Variants in GPAM observed in about 807,000 individuals in gnomAD.
The protein encoded by GPAM is glycerol-3-phosphate acyltransferase, mitochondrial.
GPAM carries 56 observed loss-of-function variants against 105.0 expected under a neutral mutation model. The observed-to-expected ratio is 0.53, with a 90% CI of 0.43 to 0.67. GPAM has a LOEUF of 0.67. Among genes scored for constraint, GPAM ranks in the 30% least tolerant of loss-of-function variants. The probability of loss-of-function intolerance (pLI) is 0.00; values close to 1 mark genes in which losing one functional copy is unlikely to be tolerated. For missense variants in GPAM, 855 were observed against 989.8 expected (o/e 0.86, Z 1.83); for synonymous variants, 368 against 354.4 (o/e 1.04, Z -0.43).
At position 112,162,626 on chromosome 10, in the gene GPAM, T is replaced by G. The variant is rs1287083611; in HGVS notation, c.1424-889A>C. On this transcript the variant is annotated intron_variant, in intron 14 of 21. Transcript: ENST00000348367. ...CACTGGTAACTGAAGTCGTCTCCAGTGTTAAAAAAAAGTACTCAGTACTAT... is the reference window on the plus strand; with the variant it reads ...CACTGGTAACTGAAGTCGTCTCCAGGGTTAAAAAAAAGTACTCAGTACTAT... 1.8e-4 allele frequency among the ~76,000 whole-genome samples: 27 copies of G among 152,018 alleles called. 1 individual carries two copies. Among genetic ancestry groups the G allele is most frequent in the Admixed American group, 1.6e-3 (25 of 15,276 alleles).
At position 112,155,976 on chromosome 10, in the gene GPAM, G is replaced by A; in HGVS notation, c.2199C>T (p.Ser733=). ...RLLGPLLEAY[S]SAAIFVHNFS... ...AGTTGTGAACAAAGATGGCAGCAGA[G>A]CTGTAGGCCTCCAGCAAAGGCCCAA... Residue 733 remains serine (S), a synonymous_variant, in exon 20 of 22, where the codon AGC becomes AGT. Coordinates refer to ENST00000348367, the MANE Select transcript of GPAM (RefSeq NM_001244949.2). 2 of 1,610,990 alleles carry A rather than the reference G, an allele frequency of 1.2e-6. No individual in the cohort carries two copies. The highest frequency in any genetic ancestry group is 1.7e-6 in the Non-Finnish European group (2 of 1,177,196).
Position 112,163,744 on chromosome 10 carries a change from T to A in GPAM, c.1380A>T (p.Leu460=). 6.2e-7 allele frequency: 1 copy of A among 1,600,684 alleles called. No individual in the cohort carries two copies. The highest frequency in any genetic ancestry group is 8.6e-7 in the Non-Finnish European group (1 of 1,167,772). ...CCAGATTTGCAATCAACCTCCTTCG[T>A]AGGGATTCATCTGTTGCATTTCTGG... The part of the protein sequence containing the change: ...NESRNATDES[L]RRRLIANLAE... The change falls in exon 14 of 22, where the codon CTA becomes CTT. Residue 460 remains leucine, a synonymous_variant. Coordinates refer to ENST00000348367, the MANE Select transcript of GPAM (RefSeq NM_001244949.2).
intron 1 of GPAM, among the ~76,000 whole-genome samples, chr10:112,214,035 G>A (rs1215912013): frequency 6.6e-6 from 1 of 152,136 alleles, no homozygotes; most frequent in Non-Finnish European, 1.5e-5. Flanking sequence ...GATAATCTCA[G>A]GAAATCCCAC....
intron 9 of GPAM, among the ~76,000 whole-genome samples, chr10:112,171,830 C>A (rs914357250): frequency 8.5e-5 from 13 of 152,170 alleles, no homozygotes; most frequent in Non-Finnish European, 1.6e-4. Context: ...ACCCTTCTCC[C>A]ACTTCACTGC....
chr10:112,155,763 C>G, intron 20 of GPAM, 101 bp downstream of exon 20: 2 of 697,662 alleles, frequency 2.9e-6, no homozygotes, highest in Non-Finnish European at 5.0e-6. Flanking sequence ...TGTTAGAGGT[C>G]AGGATAAGTT....
At chr10:112,199,091 G>GTA (rs756322555) in intron 1 of GPAM, among the ~76,000 whole-genome samples, 1 of 93,856 alleles carries the variant, frequency 1.1e-5, no homozygotes, top group South Asian at 2.9e-4. Flanking sequence ...CCTGGCTAAT[G>GTA]TGTGTGTGTG....
intron 9 of GPAM, among the ~76,000 whole-genome samples, chr10:112,171,788 A>T (rs948429987): frequency 6.6e-6 from 1 of 152,320 alleles, no homozygotes; most frequent in Admixed American, 6.5e-5. Context: ...TATGAGGTCA[A>T]AGTAACAGGT....
intron 1 of GPAM, among the ~76,000 whole-genome samples, chr10:112,211,936 A>AC (rs893183239): frequency 6.6e-6 from 1 of 152,190 alleles, no homozygotes; most frequent in African/African-American, 2.4e-5. Context: ...CTTGGTTTAG[A>AC]CTTTTTCAAA....
At chr10:112,157,858 T>A (rs1847045371) in intron 18 of GPAM, among the ~76,000 whole-genome samples, 1 of 152,184 alleles carries the variant, frequency 6.6e-6, no homozygotes, top group Admixed American at 6.5e-5. Context: ...TATTAAATAA[T>A]CCCAAAGGAC....
rs138895774 is a variant in GPAM at position 112,206,830 on chromosome 10, AT to A, written n.210+8337del. Among the ~76,000 whole-genome samples, 749 of 138,970 alleles carry A rather than the reference AT, an allele frequency of 5.4e-3. 7 individuals carry two copies. The highest frequency in any genetic ancestry group is 0.021 in the African/African-American group (666 of 31,620). 91.2% of individuals were successfully genotyped at this position (138,970 alleles called of 152,430 possible). The stretch of plus-strand genomic sequence containing the variant: ...AACTTAAAGTATAATAAAAAAAAAA[AT>A]TTAAAAAAAAAAAAAAAGAATCAAA... On this transcript the variant is annotated intron_variant and non_coding_transcript_variant, in intron 1 of 3. Transcript: ENST00000480130.
At chr10:112,160,945 C>T (rs923231503) in intron 15 of GPAM, 77 bp from the exon 16 acceptor site, 1 of 1,318,082 alleles carries the variant, frequency 7.6e-7, no homozygotes, top group African/African-American at 1.4e-5. Flanking sequence ...CATTCCAAGA[C>T]TTTCTTCTTG....
chr10:112,161,672 T>C lies in GPAM; in HGVS notation c.1489A>G (p.Arg497Gly). The part of the protein sequence containing the change: ...IVACLLLYRH[R>G]QGIDLSTLVE... ...AGGTGACATTGCAGACATACCTGCC[T>C]GTGTCTGTAGAGGAGCAGGCAAGCC... Residue 497 changes from arginine to glycine, a missense_variant, in exon 15 of 22, where the codon AGG (arginine) becomes GGG (glycine). Transcript: ENST00000348367. 6.2e-7 allele frequency: 1 copy of C among 1,612,432 alleles called. No individual in the cohort carries two copies. The highest frequency in any genetic ancestry group is 1.1e-5 in the South Asian group (1 of 90,948).
chr10:112,212,103 G>A (rs534704186), intron 1 of GPAM, among the ~76,000 whole-genome samples: 1 of 152,244 alleles, frequency 6.6e-6, no homozygotes, highest in East Asian at 1.9e-4. Flanking sequence ...AATTGTCAGT[G>A]GTCAGAAAAG....
chr10:112,151,851 T>C lies in GPAM; in HGVS notation c.*1699A>G, dbSNP rs1304896862. 2.3e-5 allele frequency: 23 copies of C among 984,892 alleles called. No homozygotes were observed. Among genetic ancestry groups the C allele is most frequent in the Non-Finnish European group, 2.8e-5 (23 of 829,606 alleles). The allele number at this position is 984,892 out of a possible 1,614,324, so 61.0% of individuals were successfully genotyped here. A position where few individuals can be genotyped will look rare whatever the true frequency, so the allele number is the denominator to read the frequency against. ...AAAAGTGTTCTTCTACCCTAGTCAG[T>C]AAAATGGAATGCTAAAACATGATAT... On this transcript the variant is annotated 3_prime_UTR_variant, in exon 22 of 22. Transcript: ENST00000348367.
rs1846965871 is a variant in GPAM at position 112,153,825 on chromosome 10, G to C, written c.2371-159C>G. 4.2e-6 allele frequency: 3 copies of C among 710,212 alleles called. No homozygotes were observed. The South Asian group carries it at 5.4e-5, about 13-fold the overall frequency. The allele number at this position is 710,212 out of a possible 1,614,324, so 44.0% of individuals were successfully genotyped here. A position where few individuals can be genotyped will look rare whatever the true frequency, so the allele number is the denominator to read the frequency against. Reference sequence around the variant, plus strand: ...TAAATGTATGCCTGGGTGTGTGTGAGCATGAGGTGGGAGTTTCCAATGCAA... The same window carrying C: ...TAAATGTATGCCTGGGTGTGTGTGACCATGAGGTGGGAGTTTCCAATGCAA... On this transcript the variant is annotated intron_variant, in intron 21 of 21. Transcript: ENST00000348367.
chr10:112,200,431 G>C (rs190109895), intron 1 of GPAM, among the ~76,000 whole-genome samples: 169 of 151,748 alleles, frequency 1.1e-3, no homozygotes, highest in Non-Finnish European at 1.9e-3. Flanking sequence ...GGGACCACAG[G>C]TGCATGCCAC....
intron 6 of GPAM, among the ~76,000 whole-genome samples, chr10:112,174,119 C>T (rs1402482333): frequency 8.2e-6 from 1 of 121,998 alleles, no homozygotes; most frequent in African/African-American, 3.0e-5. Flanking sequence ...TGAATGTTCC[C>T]ATTAAAGTAT....
chr10:112,170,515 A>G (rs1328685968), intron 9 of GPAM, among the ~76,000 whole-genome samples: 1 of 152,234 alleles, frequency 6.6e-6, no homozygotes, highest in Non-Finnish European at 1.5e-5. Flanking sequence ...ATTGAGAACC[A>G]AATGTGAAGG....
chr10:112,199,787 C>T (rs1405311803), intron 1 of GPAM, among the ~76,000 whole-genome samples: 1 of 152,018 alleles, frequency 6.6e-6, no homozygotes, highest in Admixed American at 6.6e-5. Context: ...CAGGGGAACT[C>T]CCATTTATAA....
Sources: gnomAD v4.1 joint callset for allele counts (sites outside exome capture counted in the v4.1 genomes callset) on GRCh38, gnomAD v4.1.1 for gene constraint, MANE v1.5 for transcripts, NCBI Gene and HGNC (gene_info 2026-07-23, HGNC 2026-07-21) for gene names.